Variants in HDAC9 observed in about 807,000 individuals in gnomAD.
HDAC9 encodes the protein MEF-2 interacting transcription repressor (MITR) protein.
HDAC9 carries 41 observed loss-of-function variants against 139.4 expected under a neutral mutation model. The observed-to-expected ratio is 0.29, with a 90% CI of 0.23 to 0.38. HDAC9 has a LOEUF of 0.38. HDAC9 is among the 10% of genes least tolerant of loss of function. HDAC9 has a pLI of 1.00. For missense variants in HDAC9, 1,147 were observed against 1,297.0 expected (o/e 0.88, Z 1.78); for synonymous variants, 517 against 476.2 (o/e 1.09, Z -1.12).
At chr7:18,869,847 G>A (rs569156398) in intron 21 of HDAC9, among the ~76,000 whole-genome samples, 13 of 151,500 alleles carry the variant, frequency 8.6e-5, no homozygotes, top group African/African-American at 2.4e-4. Context: ...TCCCATGAAC[G>A]CATATGCAAA....
Position 18,885,363 on chromosome 7 carries a change from A to G in HDAC9, c.2803+10767A>G, listed in dbSNP as rs183146576. ...TGATGTTGAACGTTTTCCATGCACT[A>G]GGCACTATGCCTCAATGCTTCTCTG... On this transcript the variant is annotated intron_variant, in intron 22 of 25. Coordinates refer to ENST00000686413, the MANE Select transcript of HDAC9 (RefSeq NM_178425.4). Among the ~76,000 whole-genome samples, 8 of 152,338 alleles carry G rather than the reference A, an allele frequency of 5.3e-5. No homozygotes were observed. The East Asian group carries it at 1.4e-3, about 26-fold the overall frequency.
chr7:18,914,109 G>T (rs558944002), intron 22 of HDAC9, among the ~76,000 whole-genome samples: 1 of 151,882 alleles, frequency 6.6e-6, no homozygotes, highest in African/African-American at 2.4e-5. Context: ...AGAGGCCATC[G>T]AGAGCTGTCT....
intron 13 of HDAC9, among the ~76,000 whole-genome samples, chr7:18,733,175 ATATG>A (rs985306525): frequency 4.1e-5 from 6 of 147,728 alleles, no homozygotes; most frequent in African/African-American, 1.5e-4. Context: ...ACACATGTAT[ATATG>A]TGTCTATACA....
intron 1 of HDAC9, among the ~76,000 whole-genome samples, chr7:18,354,582 C>T (rs749316597): frequency 2.6e-5 from 4 of 152,122 alleles, no homozygotes; most frequent in Middle Eastern, 3.4e-3. Context: ...CAGAGATATG[C>T]GCTGTACGTA....
chr7:18,717,847 A>C (rs1414123818), intron 12 of HDAC9, among the ~76,000 whole-genome samples: 1 of 152,230 alleles, frequency 6.6e-6, no homozygotes, highest in Non-Finnish European at 1.5e-5. Flanking sequence ...CAAAACATGC[A>C]CACCAATAGA....
chr7:18,377,208 G>A (rs1785059096), intron 1 of HDAC9, among the ~76,000 whole-genome samples: 1 of 152,084 alleles, frequency 6.6e-6, no homozygotes, highest in African/African-American at 2.4e-5. Context: ...GATGGGTGAT[G>A]GAACTCTCAG....
At chr7:18,568,918 A>G (rs1420491725) in intron 2 of HDAC9, among the ~76,000 whole-genome samples, 2 of 152,040 alleles carry the variant, frequency 1.3e-5, no homozygotes, top group Non-Finnish European at 2.9e-5. Flanking sequence ...GTGGTGGCAC[A>G]TACCTGTAAT....
chr7:18,663,993 T>G (rs1794034579), intron 11 of HDAC9, among the ~76,000 whole-genome samples: 1 of 152,168 alleles, frequency 6.6e-6, no homozygotes, highest in Admixed American at 6.6e-5. Flanking sequence ...AAACTAGGAA[T>G]TTTTCTTTAA....
In HDAC9 at chr7:18,350,918, C is replaced by T. The variant is rs374004891; in HGVS notation, c.-42+60403C>T. ...GGGCCTTCTAGTTTCTGAACCCAGCCGCTGGGTAGCTGGTCGACCCGTGCT... is the reference window on the plus strand; with the variant it reads ...GGGCCTTCTAGTTTCTGAACCCAGCTGCTGGGTAGCTGGTCGACCCGTGCT... On this transcript the variant is annotated intron_variant, in intron 1 of 3. Transcript: ENST00000413509. Among the ~76,000 whole-genome samples the T allele has an allele frequency of 3.9e-5, 6 of 152,230 alleles. No homozygotes were observed. The East Asian group carries it at 7.7e-4, about 20-fold the overall frequency.
chr7:18,818,479 C>G (rs906171558), intron 17 of HDAC9, among the ~76,000 whole-genome samples: 2 of 152,122 alleles, frequency 1.3e-5, no homozygotes, highest in African/African-American at 4.8e-5. Context: ...GAAACACAAT[C>G]ATCTCATCTC....
intron 1 of HDAC9, among the ~76,000 whole-genome samples, chr7:18,431,888 A>G (rs1790705870): frequency 6.6e-6 from 1 of 152,214 alleles, no homozygotes; most frequent in African/African-American, 2.4e-5. Context: ...TGTAGAAAGA[A>G]CACTGTGTTG....
intron 1 of HDAC9, among the ~76,000 whole-genome samples, chr7:18,452,685 G>T (rs1443922508): frequency 6.6e-6 from 1 of 152,128 alleles, no homozygotes; most frequent in Non-Finnish European, 1.5e-5. Flanking sequence ...TTCCCATGCT[G>T]TTCTCATTAT....
chr7:18,264,251 C>A (rs73066383), intron 2 of HDAC9, among the ~76,000 whole-genome samples: 58,541 of 151,862 alleles, frequency 0.39, 12,678 homozygotes, highest in Admixed American at 0.51. Context: ...CTATTCCAGG[C>A]TAAGCCATAT....
intron 1 of HDAC9, among the ~76,000 whole-genome samples, chr7:18,107,044 T>A (rs920531603): frequency 1.3e-5 from 2 of 152,224 alleles, no homozygotes; most frequent in Admixed American, 1.3e-4. Context: ...TCATAGTTTT[T>A]AAACTTTAAA....
intron 16 of HDAC9, among the ~76,000 whole-genome samples, chr7:18,791,930 A>G (rs990071604): frequency 5.9e-5 from 9 of 152,200 alleles, no homozygotes; most frequent in African/African-American, 2.2e-4. Context: ...GAACCAAGGC[A>G]CAGAGCCATT....
At chr7:18,507,405 G>A (rs1800134042) in intron 2 of HDAC9, among the ~76,000 whole-genome samples, 1 of 151,804 alleles carries the variant, frequency 6.6e-6, no homozygotes, top group African/African-American at 2.4e-5. Context: ...ATGTTAGACA[G>A]GATGGTCTAG....
At chr7:18,154,448 A>G (rs1188074889) in intron 1 of HDAC9, among the ~76,000 whole-genome samples, 1 of 152,194 alleles carries the variant, frequency 6.6e-6, no homozygotes, top group Non-Finnish European at 1.5e-5. Flanking sequence ...TTGGGATGAA[A>G]TTTGGCCTGA....
At chr7:18,810,456 T>C (rs1314002037) in intron 17 of HDAC9, among the ~76,000 whole-genome samples, 4 of 151,940 alleles carry the variant, frequency 2.6e-5, no homozygotes, top group Non-Finnish European at 5.9e-5. Flanking sequence ...TTCTTTAATA[T>C]TCTCACTGTA....
chr7:18,232,948 A>T (rs1451479949), intron 2 of HDAC9, among the ~76,000 whole-genome samples: 3 of 152,208 alleles, frequency 2.0e-5, no homozygotes, highest in African/African-American at 7.2e-5. Context: ...CATAATAAAC[A>T]GTTTTGCGTG....
Sources: gnomAD v4.1 joint callset for allele counts (sites outside exome capture counted in the v4.1 genomes callset) on GRCh38, gnomAD v4.1.1 for gene constraint, MANE v1.5 for transcripts, NCBI Gene and HGNC (gene_info 2026-07-23, HGNC 2026-07-21) for gene names.